The following GRAMD1B variants were observed in gnomAD, a reference collection of about 807,000 sequenced individuals.
GRAMD1B encodes the protein GRAM domain containing 1B.
GRAMD1B carries 37 observed loss-of-function variants against 99.7 expected under a neutral mutation model. The observed-to-expected ratio is 0.37, with a 90% CI of 0.29 to 0.49. The LOEUF is 0.49. Among genes scored for constraint, GRAMD1B ranks in the 20% least tolerant of loss-of-function variants. GRAMD1B has a pLI of 0.98. For missense variants in GRAMD1B, 888 were observed against 1,009.2 expected, an observed-to-expected ratio of 0.88 and a Z score of 1.63; for synonymous variants, 427 against 387.6, an observed-to-expected ratio of 1.10 and a Z score of -1.19.
At position 123,625,918 on chromosome 11, in the gene GRAMD1B, G is replaced by T. The variant is rs989029729; in HGVS notation, c.*3323G>T. The T allele has an allele frequency of 6.7e-6, 1 of 149,732 alleles. No homozygotes were observed. The highest frequency in any genetic ancestry group is 1.5e-5 in the Non-Finnish European group (1 of 67,830). The allele number at this position is 149,732 out of a possible 1,614,324, so 9.3% of individuals were successfully genotyped here. ...ATTTATTCTTTAGGTGGCTAGGAGG[G>T]CTGGGGAGGCCCAGTGGAAGAGAGA... On this transcript the variant is annotated 3_prime_UTR_variant, in exon 20 of 20. Coordinates refer to ENST00000635736, the MANE Select transcript of GRAMD1B (RefSeq NM_001387025.1).
intron 1 of GRAMD1B, among the ~76,000 whole-genome samples, chr11:123,410,423 A>G (rs1948004354): frequency 6.6e-6 from 1 of 152,136 alleles, no homozygotes; most frequent in Non-Finnish European, 1.5e-5. Context: ...CAAACTCCTG[A>G]GAGAGAGCAA....
At chr11:123,541,804 G>GT (rs1298423619) in intron 2 of GRAMD1B, among the ~76,000 whole-genome samples, 1 of 152,142 alleles carries the variant, frequency 6.6e-6, no homozygotes, top group East Asian at 1.9e-4. Flanking sequence ...AAGTTTAAGA[G>GT]TATATGTATT....
intron 3 of GRAMD1B, among the ~76,000 whole-genome samples, chr11:123,583,956 G>C (rs1949758118): frequency 6.6e-6 from 1 of 152,136 alleles, no homozygotes. Flanking sequence ...TCAGCATTTT[G>C]CTTCTGGTCA....
At chr11:123,435,543 A>G in intron 1 of GRAMD1B, 1 of 671,782 alleles carries the variant, frequency 1.5e-6, no homozygotes, top group Non-Finnish European at 2.7e-6. Context: ...AATGGTAAAG[A>G]CAGCATGGCT....
chr11:123,437,555 T>G (rs912616631), intron 1 of GRAMD1B, among the ~76,000 whole-genome samples: 1 of 152,178 alleles, frequency 6.6e-6, no homozygotes, highest in African/African-American at 2.4e-5. Context: ...CTGGCTGTTA[T>G]GTCCCTTCTT....
Position 123,587,989 on chromosome 11 carries a change from C to T in GRAMD1B, c.684+3657C>T, listed in dbSNP as rs558696152. Among the ~76,000 whole-genome samples the T allele has an allele frequency of 2.0e-5, 3 of 151,916 alleles. No individual in the cohort carries two copies. Among genetic ancestry groups the T allele is most frequent in the African/African-American group, 7.2e-5 (3 of 41,412 alleles). On this transcript the variant is annotated intron_variant, in intron 4 of 19. Transcript: ENST00000635736. The surrounding 1 kb of genome is among the most constrained non-coding windows in gnomAD (Gnocchi z 4.2). ...TCCCTTCCTGAGTTTTTCAGATGAG[C>T]CCCCAGCCCAGCCCAGCCCCACCCC...
Position 123,492,623 on chromosome 11 carries a change from G to A in GRAMD1B, c.452+11730G>A, listed in dbSNP as rs955907890. Among the ~76,000 whole-genome samples, 1 of 152,142 alleles carries A rather than the reference G, an allele frequency of 6.6e-6. No homozygotes were observed. Among genetic ancestry groups the A allele is most frequent in the African/African-American group, 2.4e-5 (1 of 41,410 alleles). ...CCCTAAGGTTAGAATTAAATTTGAA[G>A]GCTGACAGGCATTCAAGAGAGAGGA... On this transcript the variant is annotated intron_variant, in intron 2 of 19. Coordinates refer to ENST00000635736, the MANE Select transcript of GRAMD1B (RefSeq NM_001387025.1). This position sits in a 1 kb window ranked among gnomAD's most constrained non-coding sequence, Gnocchi z 4.2.
Position 123,516,894 on chromosome 11 carries a change from G to C in GRAMD1B, c.452+36001G>C, listed in dbSNP as rs570302407. ...TTGAAATATCATTGTGATTTGCTTG[G>C]GTCATGAACATATTAGACGCTCCAT... On this transcript the variant is annotated intron_variant, in intron 2 of 19. Coordinates refer to ENST00000635736, the MANE Select transcript of GRAMD1B (RefSeq NM_001387025.1). 1.5e-4 allele frequency among the ~76,000 whole-genome samples: 23 copies of C among 152,224 alleles called. No individual in the cohort carries two copies. The South Asian group carries it at 4.1e-3, about 27-fold the overall frequency.
At chr11:123,431,378 A>G (rs1948880088) in intron 1 of GRAMD1B, among the ~76,000 whole-genome samples, 1 of 152,238 alleles carries the variant, frequency 6.6e-6, no homozygotes, top group African/African-American at 2.4e-5. Flanking sequence ...GAGGGGCTTC[A>G]TGTTGCACGA....
intron 1 of GRAMD1B, chr11:123,454,869 T>C (rs964541512): frequency 1.3e-5 from 2 of 152,200 alleles, no homozygotes; most frequent in African/African-American, 4.8e-5. Flanking sequence ...AGGAGACATA[T>C]GTGGGAATAG....
intron 1 of GRAMD1B, among the ~76,000 whole-genome samples, chr11:123,381,679 G>C (rs888783714): frequency 2.6e-5 from 4 of 152,242 alleles, no homozygotes; most frequent in African/African-American, 9.6e-5. Context: ...AAGAGGCCAT[G>C]TGTGCACTGA....
chr11:123,492,858 T>TCACACACACACACACACACACA lies in GRAMD1B; in HGVS notation c.452+11971_452+11972insCACACACACACACACACACACA, dbSNP rs763283753. ...CTCTCTCTCTCTCTGTCTCTCTCTT[T>TCACACACACACACACACACACA]CACACATACACACACACACACACAC... On this transcript the variant is annotated intron_variant, in intron 2 of 19. Transcript: ENST00000635736. The surrounding 1 kb of genome is among the most constrained non-coding windows in gnomAD (Gnocchi z 4.2). Among the ~76,000 whole-genome samples, 1 of 131,702 alleles carries TCACACACACACACACACACACA rather than the reference T, an allele frequency of 7.6e-6. No homozygotes were observed. Among genetic ancestry groups the TCACACACACACACACACACACA allele is most frequent in the Admixed American group, 7.8e-5 (1 of 12,888 alleles). 86.4% of individuals were successfully genotyped at this position (131,702 alleles called of 152,430 possible).
chr11:123,445,156 T>TA (rs2134303070), intron 1 of GRAMD1B, among the ~76,000 whole-genome samples: 1 of 152,296 alleles, frequency 6.6e-6, no homozygotes, highest in East Asian at 1.9e-4. Context: ...GCACTATTTC[T>TA]AGAGAAGGAT....
At chr11:123,583,309 T>C (rs1949641022) in intron 3 of GRAMD1B, among the ~76,000 whole-genome samples, 1 of 150,832 alleles carries the variant, frequency 6.6e-6, no homozygotes, top group East Asian at 2.0e-4. Context: ...AATGTGTGTG[T>C]GCACGTGTGG....
At chr11:123,363,969 A>G (rs1023792960) in intron 1 of GRAMD1B, among the ~76,000 whole-genome samples, 17 of 152,206 alleles carry the variant, frequency 1.1e-4, no homozygotes, top group Non-Finnish European at 2.2e-4. Flanking sequence ...CCAACAATGC[A>G]TGTTAAGGGG....
chr11:123,504,109 G>A (rs1940175715), intron 2 of GRAMD1B, among the ~76,000 whole-genome samples: 1 of 152,174 alleles, frequency 6.6e-6, no homozygotes, highest in African/African-American at 2.4e-5. Flanking sequence ...TGTTTCTGTT[G>A]CTTGTTGCGG....
chr11:123,595,156 G>T (rs531842033), intron 6 of GRAMD1B, among the ~76,000 whole-genome samples: 1 of 152,114 alleles, frequency 6.6e-6, no homozygotes, highest in Non-Finnish European at 1.5e-5. Context: ...TTGGCCTTGG[G>T]ACTTTAAAGA....
intron 1 of GRAMD1B, among the ~76,000 whole-genome samples, chr11:123,470,820 G>C (rs1950981465): frequency 6.6e-6 from 1 of 152,128 alleles, no homozygotes; most frequent in Non-Finnish European, 1.5e-5. Context: ...GAGTTGCTAA[G>C]AAAACAAGTG....
intron 2 of GRAMD1B, among the ~76,000 whole-genome samples, chr11:123,505,718 C>T (rs937718204): frequency 2.6e-5 from 4 of 152,116 alleles, no homozygotes; most frequent in African/African-American, 9.7e-5. Flanking sequence ...CTCTTCCTCA[C>T]GCTCAGCTGC....
Sources: gnomAD v4.1 joint callset for allele counts (sites outside exome capture counted in the v4.1 genomes callset) on GRCh38, gnomAD v4.1.1 for gene constraint, Gnocchi (gnomAD v3.1) non-coding constraint, MANE v1.5 for transcripts, NCBI Gene and HGNC (gene_info 2026-07-23, HGNC 2026-07-21) for gene names.